EPHA7: variants seen among roughly 807,000 people sequenced by gnomAD.
The protein encoded by EPHA7 is ephrin type-A receptor 7.
A neutral mutation model predicts 112.6 loss-of-function variants in EPHA7; 25 were observed. That is an observed-to-expected ratio of 0.22 (90% CI 0.16 to 0.31). The LOEUF (loss-of-function observed/expected upper bound fraction) is 0.31. Among genes scored for constraint, EPHA7 ranks in the 10% least tolerant of loss-of-function variants. EPHA7 has a pLI of 1.00. For missense variants in EPHA7, 962 were observed against 1,212.6 expected, an observed-to-expected ratio of 0.79 and a Z score of 3.07; for synonymous variants, 437 against 406.5, an observed-to-expected ratio of 1.07 and a Z score of -0.90.
chr6:93,376,368 T>C (rs185402383), intron 3 of EPHA7, among the ~76,000 whole-genome samples: 2 of 152,178 alleles, frequency 1.3e-5, no homozygotes, highest in East Asian at 3.9e-4. Context: ...CTCAAATTCC[T>C]GGTGCCAGGC....
At chr6:93,396,475 G>A (rs962865986) in intron 3 of EPHA7, among the ~76,000 whole-genome samples, 2 of 151,722 alleles carry the variant, frequency 1.3e-5, no homozygotes, top group Admixed American at 6.6e-5. Context: ...ATGCTATAAC[G>A]ATATAATAAA....
rs375902899 is a variant in EPHA7, at chr6:93,385,055, T to C, written c.832+25446A>G. Among the ~76,000 whole-genome samples the C allele has an allele frequency of 1.2e-3, 184 of 152,294 alleles. 4 individuals are homozygous for C. The highest frequency in any genetic ancestry group is 4.1e-3 in the African/African-American group (171 of 41,596). On this transcript the variant is annotated intron_variant, in intron 3 of 16. Coordinates refer to ENST00000369303, the MANE Select transcript of EPHA7 (RefSeq NM_004440.4). ...TGTATGCACTTCCTTTTATTAGCTA[T>C]GTAATTAATTTGGTTTCCTTTTAGG...
At chr6:93,352,111 T>A (rs558281064) in intron 5 of EPHA7, among the ~76,000 whole-genome samples, 2 of 152,254 alleles carry the variant, frequency 1.3e-5, no homozygotes, top group South Asian at 4.2e-4. Context: ...GTACAGCTAG[T>A]ATGCAGAAAA....
intron 5 of EPHA7, among the ~76,000 whole-genome samples, chr6:93,328,548 C>T (rs985840877): frequency 6.6e-6 from 1 of 151,410 alleles, no homozygotes; most frequent in Non-Finnish European, 1.5e-5. Context: ...TTCTAAAGTG[C>T]ATCATAAGTC....
intron 3 of EPHA7, among the ~76,000 whole-genome samples, chr6:93,405,023 G>T (rs969861869): frequency 6.6e-6 from 1 of 151,680 alleles, no homozygotes; most frequent in Admixed American, 6.6e-5. Flanking sequence ...AAGCTACCTG[G>T]TTACTTAGAA....
At chr6:93,360,311 T>C (rs1277936153) in intron 3 of EPHA7, among the ~76,000 whole-genome samples, 1 of 103,418 alleles carries the variant, frequency 9.7e-6, no homozygotes, top group African/African-American at 3.0e-5. Context: ...TTATGTATTA[T>C]TTGTAATTCA....
At chr6:93,393,990 A>C (rs574996563) in intron 3 of EPHA7, among the ~76,000 whole-genome samples, 6 of 134,050 alleles carry the variant, frequency 4.5e-5, no homozygotes, top group Admixed American at 1.5e-4. Context: ...TCACTTATAC[A>C]AATTATCTCC....
At chr6:93,413,806 A>G (rs1158816285) in intron 2 of EPHA7, among the ~76,000 whole-genome samples, 3 of 151,870 alleles carry the variant, frequency 2.0e-5, no homozygotes, top group Non-Finnish European at 4.4e-5. Flanking sequence ...GATCTCAACA[A>G]TCTCTTTCAA....
intron 5 of EPHA7, among the ~76,000 whole-genome samples, chr6:93,346,129 TG>T (rs1775395605): frequency 6.6e-6 from 1 of 151,652 alleles, no homozygotes; most frequent in South Asian, 2.1e-4. Flanking sequence ...GAATTGGGAT[TG>T]GGGGAAAACC....
At chr6:93,355,514 T>C (rs999212434) in intron 5 of EPHA7, among the ~76,000 whole-genome samples, 58 of 152,314 alleles carry the variant, frequency 3.8e-4, no homozygotes, top group African/African-American at 1.4e-3. Flanking sequence ...TGTTATTAGC[T>C]TGTTACATTG....
intron 3 of EPHA7, among the ~76,000 whole-genome samples, chr6:93,379,691 A>T (rs780001048): frequency 2.0e-5 from 3 of 152,030 alleles, no homozygotes; most frequent in Non-Finnish European, 4.4e-5. Flanking sequence ...TAGCAGAATG[A>T]ATGTCACCAT....
At chr6:93,291,767 CAAAAAAAA>C (rs66483422) in intron 5 of EPHA7, among the ~76,000 whole-genome samples, 2 of 71,696 alleles carry the variant, frequency 2.8e-5, no homozygotes, top group African/African-American at 1.2e-4. Flanking sequence ...GACTCCGTCT[CAAAAAAAA>C]AAAAAAAAAA....
chr6:93,405,807 GTGTGTGTATATATATATA>G (rs1171394970), intron 3 of EPHA7, among the ~76,000 whole-genome samples: 906 of 70,470 alleles, frequency 0.013, 11 homozygotes, highest in African/African-American at 0.044. Flanking sequence ...GTGTGTGTGT[GTGTGTGTATATATATATA>G]TATATATATA....
At chr6:93,364,385 G>A (rs928050664) in intron 3 of EPHA7, among the ~76,000 whole-genome samples, 22 of 151,886 alleles carry the variant, frequency 1.4e-4, no homozygotes, top group African/African-American at 3.6e-4. Flanking sequence ...TTAGCCAGGC[G>A]TGGTGGCAGG....
At chr6:93,269,021 C>T (rs1051604753) in intron 7 of EPHA7, among the ~76,000 whole-genome samples, 44 of 151,696 alleles carry the variant, frequency 2.9e-4, no homozygotes, top group Admixed American at 2.8e-3. Context: ...GAAATCATTG[C>T]TAAAGGGCAA....
intron 3 of EPHA7, among the ~76,000 whole-genome samples, chr6:93,407,915 C>T (rs1778796713): frequency 6.6e-6 from 1 of 151,820 alleles, no homozygotes; most frequent in Admixed American, 6.6e-5. Context: ...TATCTATTTA[C>T]TGTGGTTTAA....
In EPHA7 at chr6:93,245,444, G is replaced by T; in HGVS notation, c.2736C>A (p.Ser912Arg). 6.2e-7 allele frequency: 1 copy of T among 1,610,978 alleles called. No individual in the cohort carries two copies. The highest frequency in any genetic ancestry group is 8.5e-7 in the Non-Finnish European group (1 of 1,179,208). The change falls in exon 16 of 17, where the codon AGC becomes AGA. Residue 912 changes from serine to arginine, a missense_variant. Ser to Arg is a moderately radical substitution (Grantham distance 110). Around this residue, in one of 3 missense-constraint regions of EPHA7, gnomAD observed 746 missense variants for 889.2 expected, o/e 0.84. Coordinates refer to ENST00000369303, the MANE Select transcript of EPHA7 (RefSeq NM_004440.4). Reference protein sequence around the residue: ...TPLGTCSRPISPLLDQNTPDF... With the variant: ...TPLGTCSRPIRPLLDQNTPDF... ...CAGGAGTGTTTTGATCCAGAAGAGG[G>T]CTTATTGGCCTAGATAAAAATGAAA...
intron 5 of EPHA7, among the ~76,000 whole-genome samples, chr6:93,334,183 C>T (rs1170011255): frequency 6.6e-6 from 1 of 151,904 alleles, no homozygotes; most frequent in African/African-American, 2.4e-5. Flanking sequence ...ATAAATGGTG[C>T]TCGAATAACT....
intron 3 of EPHA7, among the ~76,000 whole-genome samples, chr6:93,406,098 T>G (rs1778706991): frequency 6.6e-6 from 1 of 150,926 alleles, no homozygotes; most frequent in Admixed American, 6.6e-5. Context: ...ATTAAAAAGC[T>G]GCTATTAGGA....
Sources: gnomAD v4.1 joint callset for allele counts (sites outside exome capture counted in the v4.1 genomes callset) on GRCh38, gnomAD v4.1.1 for gene constraint, gnomAD v4.1.1 regional missense constraint, MANE v1.5 for transcripts, NCBI Gene and HGNC (gene_info 2026-07-23, HGNC 2026-07-21) for gene names.